The following AGPS variants were observed in gnomAD, a reference collection of about 807,000 sequenced individuals.
AGPS encodes the protein alkylglycerone phosphate synthase, also known as alkyldihydroxyacetonephosphate synthase, peroxisomal.
In AGPS, 26 loss-of-function variants were observed where a neutral mutation model predicts 90.7. The ratio of observed to expected loss-of-function variants is 0.29; its 90% CI spans 0.21 to 0.40. The LOEUF (loss-of-function observed/expected upper bound fraction) is 0.40, where lower values mean the gene tolerates loss of function less well. Among genes scored for constraint, AGPS ranks in the 10% least tolerant of loss-of-function variants. AGPS has a pLI of 1.00. For missense variants in AGPS, 540 were observed against 816.1 expected (o/e 0.66, Z 4.12); for synonymous variants, 294 against 285.3 (o/e 1.03, Z -0.31).
intron 16 of AGPS, among the ~76,000 whole-genome samples, chr2:177,512,728 A>G (rs1292532753): frequency 6.6e-6 from 1 of 152,252 alleles, no homozygotes; most frequent in Non-Finnish European, 1.5e-5. Flanking sequence ...TGGGACTTTA[A>G]TATCAAATAG....
chr2:177,442,828 CAAAAAAA>C (rs71007994), intron 7 of AGPS, among the ~76,000 whole-genome samples: 1 of 99,406 alleles, frequency 1.0e-5, no homozygotes, highest in African/African-American at 3.9e-5. Context: ...GCCTGGGTGA[CAAAAAAA>C]AAAAAAAAAA....
At chr2:177,503,410 T>G (rs1283729410) in intron 14 of AGPS, among the ~76,000 whole-genome samples, 1 of 152,184 alleles carries the variant, frequency 6.6e-6, no homozygotes, top group Non-Finnish European at 1.5e-5. Flanking sequence ...TGAGAGTGAT[T>G]AGGTTCACCA....
chr2:177,493,644 G>A (rs1294589998), intron 12 of AGPS, among the ~76,000 whole-genome samples: 1 of 152,172 alleles, frequency 6.6e-6, no homozygotes, highest in Non-Finnish European at 1.5e-5. Context: ...ATAGAGGGTG[G>A]GGTTAGAGTT....
chr2:177,426,012 T>A (rs1686070112), intron 2 of AGPS, among the ~76,000 whole-genome samples: 1 of 152,236 alleles, frequency 6.6e-6, no homozygotes, highest in Non-Finnish European at 1.5e-5. Flanking sequence ...TATTGATTCT[T>A]CCTATCCATG....
chr2:177,455,081 C>T (rs906863720), intron 8 of AGPS, among the ~76,000 whole-genome samples: 1 of 152,024 alleles, frequency 6.6e-6, no homozygotes, highest in Non-Finnish European at 1.5e-5. Context: ...TTCAGCGTGG[C>T]CCAGGGAAGC....
chr2:177,428,466 T>C (rs548579656), intron 2 of AGPS, among the ~76,000 whole-genome samples: 6 of 152,350 alleles, frequency 3.9e-5, no homozygotes, highest in South Asian at 2.1e-4. Flanking sequence ...TAACCATTTT[T>C]CTTTTTCATA....
intron 15 of AGPS, among the ~76,000 whole-genome samples, chr2:177,507,659 C>G (rs1688752536): frequency 6.6e-6 from 1 of 152,204 alleles, no homozygotes; most frequent in African/African-American, 2.4e-5. Context: ...GTATTCTCTA[C>G]ATGTACACAG....
At chr2:177,457,754 A>G (rs1251280769) in intron 8 of AGPS, among the ~76,000 whole-genome samples, 1 of 152,240 alleles carries the variant, frequency 6.6e-6, no homozygotes, top group East Asian at 1.9e-4. Flanking sequence ...TACCAGAGAT[A>G]CAAAGAGGAG....
intron 11 of AGPS, among the ~76,000 whole-genome samples, chr2:177,487,833 A>G (rs1688139054): frequency 1.3e-5 from 2 of 152,196 alleles, no homozygotes; most frequent in Admixed American, 1.3e-4. Flanking sequence ...ACTCAGAACA[A>G]GTTATTATAC....
At chr2:177,534,520 AT>A (rs1422023018) in intron 19 of AGPS, among the ~76,000 whole-genome samples, 1 of 151,242 alleles carries the variant, frequency 6.6e-6, no homozygotes, top group African/African-American at 2.4e-5. Flanking sequence ...AGTGAACTCC[AT>A]TTTTAATTTA....
At chr2:177,397,085 C>T (rs546896604) in intron 1 of AGPS, among the ~76,000 whole-genome samples, 5 of 151,754 alleles carry the variant, frequency 3.3e-5, no homozygotes, top group Admixed American at 3.3e-4. Flanking sequence ...GATTACAGAG[C>T]CTGCCACTGT....
chr2:177,393,158 C>T, intron 1 of AGPS, 109 bp downstream of exon 1: 2 of 1,547,854 alleles, frequency 1.3e-6, no homozygotes, highest in Non-Finnish European at 1.7e-6. Flanking sequence ...GGGCGGAAGG[C>T]ATCCCGGTCC....
At chr2:177,425,923 G>A (rs1326101673) in intron 2 of AGPS, among the ~76,000 whole-genome samples, 1 of 151,996 alleles carries the variant, frequency 6.6e-6, no homozygotes, top group East Asian at 1.9e-4. Flanking sequence ...TTCTAGTTCT[G>A]TGAAGAATGT....
Position 177,392,870 on chromosome 2 carries a change from G to A in AGPS, c.81G>A (p.Arg27=), listed in dbSNP as rs983185273. ...ACGGGTCTGCAGCGGACCGGGACCGGGACCCGGACCCGGACCGCGCCGGGC... is the reference window on the plus strand; with the variant it reads ...ACGGGTCTGCAGCGGACCGGGACCGAGACCCGGACCCGGACCGCGCCGGGC... The part of the protein sequence containing the change: ...ASYGSAADRD[R]DPDPDRAGRR... The change falls in exon 1 of 20, where the codon CGG becomes CGA. Residue 27 remains arginine (R), a synonymous_variant. Transcript: ENST00000264167. The A allele has an allele frequency of 6.4e-7, 1 of 1,550,592 alleles. No homozygotes were observed. The highest frequency in any genetic ancestry group is 1.9e-5 in the Admixed American group (1 of 51,300).
intron 10 of AGPS, among the ~76,000 whole-genome samples, chr2:177,470,383 G>T (rs1035004968): frequency 6.6e-6 from 1 of 152,148 alleles, no homozygotes; most frequent in African/African-American, 2.4e-5. Context: ...AAGGGACAAA[G>T]TTATTATAGT....
chr2:177,462,932 G>A (rs544055280), intron 9 of AGPS, among the ~76,000 whole-genome samples: 37 of 152,226 alleles, frequency 2.4e-4, no homozygotes, highest in African/African-American at 7.9e-4. Flanking sequence ...TACAAGCCTC[G>A]TGGAAATGAA....
chr2:177,452,711 T>C (rs943849240), intron 8 of AGPS, among the ~76,000 whole-genome samples: 2 of 152,154 alleles, frequency 1.3e-5, no homozygotes, highest in Non-Finnish European at 2.9e-5. Flanking sequence ...GTCATCTTGC[T>C]ATTCATTTTC....
chr2:177,468,097 A>G (rs1687508073), intron 9 of AGPS, among the ~76,000 whole-genome samples: 1 of 152,076 alleles, frequency 6.6e-6, no homozygotes, highest in Non-Finnish European at 1.5e-5. Context: ...TGAGTCCGTT[A>G]GTTCTGTGCC....
chr2:177,435,514 A>G (rs182931078), intron 3 of AGPS, among the ~76,000 whole-genome samples: 2 of 152,170 alleles, frequency 1.3e-5, no homozygotes, highest in Admixed American at 1.3e-4. Flanking sequence ...AAATATTAAT[A>G]TATTTTGTTG....
Sources: gnomAD v4.1 joint callset for allele counts (sites outside exome capture counted in the v4.1 genomes callset) on GRCh38, gnomAD v4.1.1 for gene constraint, MANE v1.5 for transcripts, NCBI Gene and HGNC (gene_info 2026-07-23, HGNC 2026-07-21) for gene names.